The following MSH3 variants were observed in gnomAD, a reference collection of about 807,000 sequenced individuals.
MSH3 encodes the protein mutS homolog 3.
MSH3 carries 106 observed loss-of-function variants against 123.3 expected under a neutral mutation model. That is an observed-to-expected ratio of 0.86 (90% confidence interval 0.73 to 1.01). The LOEUF (loss-of-function observed/expected upper bound fraction) is 1.01, where lower values mean the gene tolerates loss of function less well. MSH3 is among the 50% of genes least tolerant of loss of function. The pLI, the probability that MSH3 is intolerant of heterozygous loss-of-function variation, is 0.00. For missense variants in MSH3, 1,459 were observed against 1,347.6 expected (o/e 1.08, Z -1.29); for synonymous variants, 515 against 481.4 (o/e 1.07, Z -0.91).
intron 19 of MSH3, among the ~76,000 whole-genome samples, chr5:80,794,333 G>A (rs1744661076): frequency 6.6e-6 from 1 of 152,132 alleles, no homozygotes; most frequent in Non-Finnish European, 1.5e-5. Context: ...ATGCAGCCTT[G>A]AGCTGTTAGA....
At chr5:80,695,808 A>C (rs554102230) in intron 8 of MSH3, among the ~76,000 whole-genome samples, 1 of 152,080 alleles carries the variant, frequency 6.6e-6, no homozygotes, top group African/African-American at 2.4e-5. Flanking sequence ...GTTGGCATCT[A>C]TCGATTGTCT....
chr5:80,865,258 T>A (rs1370577302), intron 22 of MSH3, among the ~76,000 whole-genome samples: 3 of 152,172 alleles, frequency 2.0e-5, no homozygotes, highest in African/African-American at 7.2e-5. Context: ...CTTACATGAT[T>A]CATCTCAGTA....
intron 19 of MSH3, among the ~76,000 whole-genome samples, chr5:80,810,358 G>A (rs1744989844): frequency 9.0e-6 from 1 of 111,420 alleles, no homozygotes; most frequent in Admixed American, 9.4e-5. Flanking sequence ...CTCTATTTTT[G>A]TCAGTTATGA....
intron 22 of MSH3, among the ~76,000 whole-genome samples, chr5:80,865,256 A>T (rs1408867247): frequency 6.6e-6 from 1 of 152,238 alleles, no homozygotes; most frequent in African/African-American, 2.4e-5. Context: ...CTCTTACATG[A>T]TTCATCTCAG....
intron 10 of MSH3, among the ~76,000 whole-genome samples, chr5:80,739,379 G>A (rs1041619790): frequency 2.6e-5 from 4 of 152,246 alleles, no homozygotes; most frequent in Admixed American, 2.6e-4. Context: ...TTTTATAACT[G>A]TCTGGCTATT....
intron 14 of MSH3, among the ~76,000 whole-genome samples, chr5:80,768,556 A>G (rs769933445): frequency 4.6e-5 from 7 of 152,164 alleles, no homozygotes; most frequent in Non-Finnish European, 7.4e-5. Flanking sequence ...AGGATTTGAC[A>G]TTTACGTTTG....
intron 8 of MSH3, among the ~76,000 whole-genome samples, chr5:80,685,894 C>T (rs538084374): frequency 3.3e-5 from 5 of 152,024 alleles, no homozygotes; most frequent in Non-Finnish European, 5.9e-5. Context: ...CCTTGTTGAT[C>T]TCTTCATTGA....
At chr5:80,726,957 A>G (rs920119122) in intron 9 of MSH3, among the ~76,000 whole-genome samples, 2 of 152,238 alleles carry the variant, frequency 1.3e-5, no homozygotes, top group Non-Finnish European at 2.9e-5. Flanking sequence ...TAGTCCTCAC[A>G]GCAGACTTTG....
intron 8 of MSH3, among the ~76,000 whole-genome samples, chr5:80,725,058 C>A (rs1743254587): frequency 6.6e-6 from 1 of 151,522 alleles, no homozygotes; most frequent in African/African-American, 2.4e-5. Context: ...ACTAAAAATA[C>A]AAAAAATTAG....
At chr5:80,779,354 G>A (rs1204611702) in intron 17 of MSH3, among the ~76,000 whole-genome samples, 1 of 151,742 alleles carries the variant, frequency 6.6e-6, no homozygotes. Flanking sequence ...CTTCACCTAG[G>A]TTCATCACAT....
At chr5:80,841,594 G>T (rs1343121336) in intron 20 of MSH3, among the ~76,000 whole-genome samples, 3 of 152,056 alleles carry the variant, frequency 2.0e-5, no homozygotes, top group Non-Finnish European at 4.4e-5. Context: ...AATGATCATT[G>T]TTCTAACTGG....
chr5:80,842,591 C>T (rs249635), intron 20 of MSH3, among the ~76,000 whole-genome samples: 37,263 of 151,874 alleles, frequency 0.25, 4,893 homozygotes, highest in Non-Finnish European at 0.3. Context: ...CGTTGAGCAG[C>T]GGTTTGTAGT....
At chr5:80,742,379 C>T (rs1005650945) in intron 11 of MSH3, among the ~76,000 whole-genome samples, 2 of 152,176 alleles carry the variant, frequency 1.3e-5, no homozygotes, top group Non-Finnish European at 2.9e-5. Flanking sequence ...GGAGATTAAA[C>T]TTATTGCTTT....
chr5:80,680,479 TA>T (rs1039591129), intron 8 of MSH3, among the ~76,000 whole-genome samples: 3 of 152,088 alleles, frequency 2.0e-5, no homozygotes, highest in African/African-American at 7.2e-5. Context: ...AAATGACTGT[TA>T]AACATTTTGG....
At chr5:80,844,659 T>G (rs1745687258) in intron 20 of MSH3, among the ~76,000 whole-genome samples, 1 of 152,230 alleles carries the variant, frequency 6.6e-6, no homozygotes, top group African/African-American at 2.4e-5. Flanking sequence ...TGTAATGCCC[T>G]TCTTTGTCTC....
chr5:80,696,760 C>T (rs1750492127), intron 8 of MSH3, among the ~76,000 whole-genome samples: 1 of 152,108 alleles, frequency 6.6e-6, no homozygotes, highest in Non-Finnish European at 1.5e-5. Flanking sequence ...TTAGAGATTG[C>T]TCTATGTATA....
intron 19 of MSH3, 117 bp from the exon 20 acceptor site, chr5:80,813,467 T>G: frequency 1.9e-6 from 2 of 1,066,142 alleles, no homozygotes; most frequent in Non-Finnish European, 2.8e-6. Context: ...TTTCCTTTTG[T>G]GATATTTATG....
chr5:80,717,409 A>G (rs1306469770), intron 8 of MSH3, among the ~76,000 whole-genome samples: 2 of 152,060 alleles, frequency 1.3e-5, no homozygotes, highest in Admixed American at 6.6e-5. Flanking sequence ...TGGGACTACA[A>G]GTGCACTCCA....
chr5:80,813,889 G>A (rs779527393), intron 20 of MSH3, 148 bp downstream of exon 20: 15 of 885,970 alleles, frequency 1.7e-5, no homozygotes, highest in Middle Eastern at 3.0e-4. Context: ...GGCCGGGCAC[G>A]GTGGCTCACA....
Sources: gnomAD v4.1 joint callset for allele counts (sites outside exome capture counted in the v4.1 genomes callset) on GRCh38, gnomAD v4.1.1 for gene constraint, MANE v1.5 for transcripts, NCBI Gene and HGNC (gene_info 2026-07-23, HGNC 2026-07-21) for gene names.